PRICKLE1: variants seen among roughly 807,000 people sequenced by gnomAD.
The protein encoded by PRICKLE1 is prickle planar cell polarity protein 1.
A neutral mutation model predicts 70.2 loss-of-function variants in PRICKLE1; 14 were observed. That is an observed-to-expected ratio of 0.20 (90% CI 0.13 to 0.31). The LOEUF is 0.31. PRICKLE1 is among the 10% of genes least tolerant of loss of function. PRICKLE1 has a pLI of 1.00. For missense variants in PRICKLE1, 821 were observed against 1,026.2 expected (o/e 0.80, Z 2.73); for synonymous variants, 357 against 379.9 (o/e 0.94, Z 0.70).
intron 1 of PRICKLE1, among the ~76,000 whole-genome samples, chr12:42,531,988 T>A (rs1939926159): frequency 6.6e-6 from 1 of 151,968 alleles, no homozygotes; most frequent in South Asian, 2.1e-4. Context: ...GGTGACTTCA[T>A]CTCTACCAAA....
chr12:42,498,916 C>T (rs1278751605), intron 1 of PRICKLE1, among the ~76,000 whole-genome samples: 2 of 152,200 alleles, frequency 1.3e-5, no homozygotes, highest in Non-Finnish European at 2.9e-5. Flanking sequence ...CCCCATCAGA[C>T]CAAGGGCTTC....
At chr12:42,477,392 T>TATAC (rs1325857843) in intron 1 of PRICKLE1, among the ~76,000 whole-genome samples, 2 of 146,806 alleles carry the variant, frequency 1.4e-5, no homozygotes, top group African/African-American at 5.1e-5. Context: ...CAAAACAAAA[T>TATAC]ATATATATAT....
intron 1 of PRICKLE1, among the ~76,000 whole-genome samples, chr12:42,529,953 C>CTT (rs546013157): frequency 2.6e-4 from 37 of 142,992 alleles, no homozygotes; most frequent in African/African-American, 9.5e-4. Flanking sequence ...TCCTTCCTTC[C>CTT]TTTTTTTTTT....
intron 1 of PRICKLE1, among the ~76,000 whole-genome samples, chr12:42,481,007 TAC>T (rs1296284756): frequency 6.6e-6 from 1 of 152,104 alleles, no homozygotes; most frequent in Non-Finnish European, 1.5e-5. Flanking sequence ...TAAGAAAGCT[TAC>T]ACATAGTGAC....
In PRICKLE1 at chr12:42,553,456, A is replaced by G. The variant is rs975523869; in HGVS notation, c.-49+36009T>C. On this transcript the variant is annotated intron_variant, in intron 1 of 7. Transcript: ENST00000345127. ...GAGACTCCGTCTCAAAAAAAAAAAA[A>G]CTGTTTTTCTCCAAACAATAAGTCC... is the stretch of plus-strand genomic sequence containing the variant. 4.9e-5 allele frequency among the ~76,000 whole-genome samples: 5 copies of G among 102,464 alleles called. No homozygotes were observed. The Admixed American group carries it at 7.1e-4, about 14-fold the overall frequency. The allele number at this position is 102,464 out of a possible 152,430, so 67.2% of individuals were successfully genotyped here.
chr12:42,469,970 A>G, intron 3 of PRICKLE1: 1 of 500,532 alleles, frequency 2.0e-6, no homozygotes, highest in East Asian at 3.8e-5. Flanking sequence ...CTCTGGATGC[A>G]GGGGCTGGGA....
intron 1 of PRICKLE1, among the ~76,000 whole-genome samples, chr12:42,501,537 A>G (rs1939311165): frequency 6.9e-6 from 1 of 144,524 alleles, no homozygotes; most frequent in South Asian, 2.2e-4. Context: ...AAAAGAAAAG[A>G]AAAGAGGAGA....
intron 1 of PRICKLE1, among the ~76,000 whole-genome samples, chr12:42,541,977 A>T (rs1940126252): frequency 6.9e-6 from 1 of 144,030 alleles, no homozygotes; most frequent in African/African-American, 2.6e-5. Context: ...AGTCCTTTCA[A>T]GTTTATGAAG....
intron 1 of PRICKLE1, among the ~76,000 whole-genome samples, chr12:42,576,876 A>T (rs1426906320): frequency 1.3e-5 from 2 of 152,348 alleles, no homozygotes; most frequent in South Asian, 2.1e-4. Flanking sequence ...CTAGGCCAGT[A>T]GGTATGGTGA....
chr12:42,563,401 TA>T (rs201557855), intron 1 of PRICKLE1, among the ~76,000 whole-genome samples: 9 of 149,618 alleles, frequency 6.0e-5, no homozygotes, highest in Admixed American at 2.0e-4. Flanking sequence ...TTGGAGTTTT[TA>T]AAAAAAAAAT....
chr12:42,517,477 T>C (rs1939631286), intron 1 of PRICKLE1, among the ~76,000 whole-genome samples: 1 of 151,970 alleles, frequency 6.6e-6, no homozygotes, highest in Admixed American at 6.6e-5. Context: ...CACGCCCAGC[T>C]AGTTTTTTGT....
At chr12:42,585,867 G>C (rs576304203) in intron 1 of PRICKLE1, among the ~76,000 whole-genome samples, 44 of 152,174 alleles carry the variant, frequency 2.9e-4, no homozygotes, top group Non-Finnish European at 3.1e-4. Flanking sequence ...TGTGTGTCCA[G>C]AGATGGGGAA....
intron 1 of PRICKLE1, among the ~76,000 whole-genome samples, chr12:42,544,084 C>T (rs1051522495): frequency 4.6e-5 from 7 of 152,022 alleles, no homozygotes; most frequent in African/African-American, 1.7e-4. Flanking sequence ...AGGGGCTGGC[C>T]TTACTATCTC....
Position 42,459,863 on chromosome 12 carries a change from T to C in PRICKLE1, c.2442A>G (p.Thr814=). 6.2e-7 allele frequency: 1 copy of C among 1,614,186 alleles called. No homozygotes were observed. Among genetic ancestry groups the C allele is most frequent in the Non-Finnish European group, 8.5e-7 (1 of 1,180,026 alleles). ...GTCCCTTTTTCTTCTTGGATTTTGTTGTCCTCTGACCAAACTGAGGGGTGG... is the reference window on the plus strand; with the variant it reads ...GTCCCTTTTTCTTCTTGGATTTTGTCGTCCTCTGACCAAACTGAGGGGTGG... The part of the protein sequence containing the change: ...ALPTPQFGQR[T]TKSKKKKGHK... Residue 814 remains threonine, a synonymous_variant, in exon 8 of 8, where the codon ACA becomes ACG. Coordinates refer to ENST00000345127, the MANE Select transcript of PRICKLE1 (RefSeq NM_153026.3).
intron 1 of PRICKLE1, among the ~76,000 whole-genome samples, chr12:42,487,779 CCCACA>C (rs1939015350): frequency 6.6e-6 from 1 of 152,196 alleles, no homozygotes; most frequent in African/African-American, 2.4e-5. Context: ...AGCGTAGTGG[CCCACA>C]CCTATAATCC....
chr12:42,533,186 T>C (rs1939951893), intron 1 of PRICKLE1, among the ~76,000 whole-genome samples: 1 of 151,722 alleles, frequency 6.6e-6, no homozygotes, highest in Non-Finnish European at 1.5e-5. Flanking sequence ...TTTACCATGT[T>C]ATTCTGGGGA....
intron 1 of PRICKLE1, among the ~76,000 whole-genome samples, chr12:42,535,631 A>C (rs1940005021): frequency 6.6e-6 from 1 of 152,164 alleles, no homozygotes; most frequent in Non-Finnish European, 1.5e-5. Context: ...TCTGAAATGC[A>C]GGTGCAAGCT....
chr12:42,523,751 T>C (rs970123870), intron 1 of PRICKLE1, among the ~76,000 whole-genome samples: 2 of 152,236 alleles, frequency 1.3e-5, no homozygotes, highest in Admixed American at 6.5e-5. Flanking sequence ...TATATCTATA[T>C]ACAGACTTAT....
At chr12:42,545,905 T>C (rs991757845) in intron 1 of PRICKLE1, among the ~76,000 whole-genome samples, 1 of 150,438 alleles carries the variant, frequency 6.6e-6, no homozygotes, top group Non-Finnish European at 1.5e-5. Context: ...CATATATATA[T>C]ATATATGGAA....
Sources: allele counts gnomAD v4.1 joint callset (sites outside exome capture counted in the v4.1 genomes callset), GRCh38; gene constraint gnomAD v4.1.1; transcripts MANE v1.5; gene names NCBI Gene and HGNC (gene_info 2026-07-23, HGNC 2026-07-21).